The following GSE1 variants were observed in gnomAD, a reference collection of about 807,000 sequenced individuals.
GSE1 encodes Gse1 coiled-coil protein.
In GSE1, 32 loss-of-function variants were observed where a neutral mutation model predicts 112.6. The ratio of observed to expected loss-of-function variants is 0.28; its 90% CI spans 0.21 to 0.38. GSE1 has a LOEUF of 0.38. Among genes scored for constraint, GSE1 ranks in the 10% least tolerant of loss-of-function variants. The pLI, the probability that GSE1 is intolerant of heterozygous loss-of-function variation, is 1.00. For missense variants in GSE1, 2,348 were observed against 1,699.2 expected (o/e 1.38, Z -6.71); for synonymous variants, 1,115 against 735.6 (o/e 1.52, Z -8.35).
At chr16:85,634,164 G>T in intron 2 of GSE1, 32 bp downstream of exon 2, 1 of 1,369,196 alleles carries the variant, frequency 7.3e-7, no homozygotes, top group South Asian at 1.6e-5. Flanking sequence ...CGCGTGGGGG[G>T]AGCGGCGGCT....
intron 2 of GSE1, among the ~76,000 whole-genome samples, chr16:85,524,482 C>A (rs1284782883): frequency 6.6e-6 from 1 of 152,274 alleles, no homozygotes; most frequent in Non-Finnish European, 1.5e-5. Flanking sequence ...TCAGATGGGG[C>A]CCTGCTCCCA....
intron 1 of GSE1, among the ~76,000 whole-genome samples, chr16:85,626,273 C>T (rs569184739): frequency 6.6e-6 from 1 of 152,294 alleles, no homozygotes; most frequent in African/African-American, 2.4e-5. Flanking sequence ...GCTTGGAGCA[C>T]GTGGAGGGCA....
intron 2 of GSE1, among the ~76,000 whole-genome samples, chr16:85,486,414 C>T (rs949783753): frequency 2.0e-5 from 3 of 152,212 alleles, no homozygotes; most frequent in South Asian, 2.1e-4. Flanking sequence ...TGCCCAGGGC[C>T]GCCGTTACCT....
At chr16:85,316,204 C>T (rs2045982210) in intron 1 of GSE1, among the ~76,000 whole-genome samples, 1 of 152,256 alleles carries the variant, frequency 6.6e-6, no homozygotes, top group African/African-American at 2.4e-5. Flanking sequence ...CTACTAGCCA[C>T]GCTTTTAAAA....
intron 1 of GSE1, among the ~76,000 whole-genome samples, chr16:85,287,051 C>T (rs2045052858): frequency 6.6e-6 from 1 of 152,250 alleles, no homozygotes; most frequent in Non-Finnish European, 1.5e-5. Context: ...TTCTCCAGCG[C>T]CTCTGGCCTC....
At chr16:85,235,071 C>T (rs1046100596) in intron 1 of GSE1, among the ~76,000 whole-genome samples, 9 of 151,836 alleles carry the variant, frequency 5.9e-5, no homozygotes, top group Admixed American at 5.2e-4. Flanking sequence ...GCGGGGTGTT[C>T]CTGGGTGGGG....
intron 2 of GSE1, among the ~76,000 whole-genome samples, chr16:85,526,795 C>T (rs914113637): frequency 3.3e-5 from 5 of 152,310 alleles, no homozygotes; most frequent in African/African-American, 9.6e-5. Flanking sequence ...CGACCAGAGC[C>T]GATAATTAGC....
chr16:85,432,235 G>A (rs2049140651), intron 2 of GSE1, among the ~76,000 whole-genome samples: 1 of 152,232 alleles, frequency 6.6e-6, no homozygotes, highest in African/African-American at 2.4e-5. Context: ...GGCCAAGACG[G>A]GCACGCCCAG....
intron 1 of GSE1, among the ~76,000 whole-genome samples, chr16:85,255,639 G>T (rs1462612584): frequency 2.0e-5 from 3 of 151,942 alleles, no homozygotes; most frequent in Non-Finnish European, 4.4e-5. Flanking sequence ...TCCTGACCTC[G>T]TGATCTGCCT....
upstream of GSE1, chr16:85,555,682 C>A (rs570959513): frequency 2.2e-5 from 21 of 940,766 alleles, no homozygotes; most frequent in Non-Finnish European, 2.5e-5. Context: ...GCCGCCCCCC[C>A]CTTCCTTTTT....
intron 2 of GSE1, among the ~76,000 whole-genome samples, chr16:85,501,002 T>TG (rs1407955787): frequency 3.1e-5 from 4 of 127,372 alleles, no homozygotes; most frequent in Non-Finnish European, 6.5e-5. Context: ...TGTTCTGTTT[T>TG]TTTTTTTTTT....
intron 1 of GSE1, among the ~76,000 whole-genome samples, chr16:85,597,137 C>T (rs2047263482): frequency 6.6e-6 from 1 of 151,806 alleles, no homozygotes. Flanking sequence ...CGCCACCATG[C>T]CCGGCTAATT....
intron 2 of GSE1, among the ~76,000 whole-genome samples, chr16:85,398,010 C>T (rs1211612508): frequency 6.6e-6 from 1 of 152,124 alleles, no homozygotes; most frequent in African/African-American, 2.4e-5. Context: ...GGCTGCAGAC[C>T]TTGGTGTATT....
At chr16:85,330,884 T>C (rs747100326) in intron 1 of GSE1, among the ~76,000 whole-genome samples, 1 of 152,118 alleles carries the variant, frequency 6.6e-6, no homozygotes, top group Non-Finnish European at 1.5e-5. Flanking sequence ...TTTCTGGAAG[T>C]CTGCTGCTGT....
upstream of GSE1, chr16:85,555,402 G>C (rs925021975): frequency 1.6e-5 from 16 of 979,568 alleles, no homozygotes; most frequent in Middle Eastern, 1.0e-3. Context: ...AAAGGGGGGG[G>C]AGGGGTGTTG....
At chr16:85,510,420 CTG>C (rs964109424) in intron 2 of GSE1, among the ~76,000 whole-genome samples, 5 of 148,840 alleles carry the variant, frequency 3.4e-5, no homozygotes, top group East Asian at 3.9e-4. Context: ...GTGTGTGTGT[CTG>C]TGTGTGTGTG....
At chr16:85,482,351 A>G (rs1597901584) in intron 2 of GSE1, among the ~76,000 whole-genome samples, 1 of 152,216 alleles carries the variant, frequency 6.6e-6, no homozygotes, top group Non-Finnish European at 1.5e-5. Flanking sequence ...GGGTGCTTCA[A>G]GCTGCCCTGC....
chr16:85,571,414 A>G (rs2045973935), intron 1 of GSE1, among the ~76,000 whole-genome samples: 1 of 152,264 alleles, frequency 6.6e-6, no homozygotes, highest in African/African-American at 2.4e-5. Context: ...CCCAACAGCC[A>G]CGTGCGGATG....
chr16:85,541,067 G>A (rs72801158), intron 2 of GSE1, among the ~76,000 whole-genome samples: 10,847 of 152,088 alleles, frequency 0.071, 414 homozygotes, highest in Middle Eastern at 0.13. Flanking sequence ...GGCTGTGCTC[G>A]ACAGGGAGAA....
Sources: gnomAD v4.1 joint callset for allele counts (sites outside exome capture counted in the v4.1 genomes callset) on GRCh38, gnomAD v4.1.1 for gene constraint, MANE v1.5 for transcripts, NCBI Gene and HGNC (gene_info 2026-07-23, HGNC 2026-07-21) for gene names.